CSNK2A1: variants seen among roughly 807,000 people sequenced by gnomAD.
CSNK2A1 encodes casein kinase 2 alpha 1.
In CSNK2A1, 10 loss-of-function variants were observed where a neutral mutation model predicts 62.9. The observed-to-expected ratio is 0.16, with a 90% CI of 0.10 to 0.27. The LOEUF (loss-of-function observed/expected upper bound fraction) is 0.27, where lower values mean the gene tolerates loss of function less well. Among genes scored for constraint, CSNK2A1 ranks in the 10% least tolerant of loss-of-function variants. The probability of loss-of-function intolerance (pLI) is 1.00; values close to 1 mark genes in which losing one functional copy is unlikely to be tolerated. For synonymous variants in CSNK2A1, 124 were observed against 167.8 expected, an observed-to-expected ratio of 0.74 and a Z score of 2.02; for missense variants, 160 against 492.0, an observed-to-expected ratio of 0.33 and a Z score of 6.38.
Position 489,016 on chromosome 20 carries a change from A to T in CSNK2A1, c.724-238T>A, listed in dbSNP as rs959124200. 1.1e-5 allele frequency: 4 copies of T among 359,670 alleles called. No individual in the cohort carries two copies. The Admixed American group carries it at 1.8e-4, about 17-fold the overall frequency. 22.3% of individuals were successfully genotyped at this position (359,670 alleles called of 1,614,324 possible). A position where few individuals can be genotyped will look rare whatever the true frequency, so the allele number is the denominator to read the frequency against. On this transcript the variant is annotated intron_variant, in intron 10 of 13. Coordinates refer to ENST00000217244, the MANE Select transcript of CSNK2A1 (RefSeq NM_177559.3). The stretch of plus-strand genomic sequence containing the variant: ...GAACCCTTATTTTTCTCCCCTCAAA[A>T]CCCAATTGAAGATGTCACTTCTTTT...
Position 483,563 on chromosome 20 carries a change from A to G in CSNK2A1, c.*398T>C, listed in dbSNP as rs890781545. ...GAAGAGCACGAGATACCAACCCCCT[A>G]AAGTGTGGGACGGTGGAGGAACAAT... is the stretch of plus-strand genomic sequence containing the variant. On this transcript the variant is annotated 3_prime_UTR_variant, in exon 14 of 14. Transcript: ENST00000217244. The G allele has an allele frequency of 6.5e-6, 1 of 153,202 alleles. No individual in the cohort carries two copies. The highest frequency in any genetic ancestry group is 2.4e-5 in the African/African-American group (1 of 41,408). The allele number at this position is 153,202 out of a possible 1,614,324, so 9.5% of individuals were successfully genotyped here. A position where few individuals can be genotyped will look rare whatever the true frequency, so the allele number is the denominator to read the frequency against.
rs2018001252 is a variant in CSNK2A1 at position 483,705 on chromosome 20, A to G, written c.*256T>C. 3 of 261,900 alleles carry G rather than the reference A, an allele frequency of 1.1e-5. No homozygotes were observed. Among genetic ancestry groups the G allele is most frequent in the Admixed American group, 1.1e-4 (2 of 18,536 alleles). The allele number at this position is 261,900 out of a possible 1,614,324, so 16.2% of individuals were successfully genotyped here. A position where few individuals can be genotyped will look rare whatever the true frequency, so the allele number is the denominator to read the frequency against. On this transcript the variant is annotated 3_prime_UTR_variant, in exon 14 of 14. Coordinates refer to ENST00000217244, the MANE Select transcript of CSNK2A1 (RefSeq NM_177559.3). ...GGAGGGGAGAAAAAAAAATTTGTCC[A>G]TGAAATATTCCACCTGCAGGTAATT...
chr20:515,638 C>T (rs893598737), intron 2 of CSNK2A1, among the ~76,000 whole-genome samples: 1 of 152,116 alleles, frequency 6.6e-6, no homozygotes, highest in Admixed American at 6.6e-5. Context: ...CACACACACA[C>T]CAGTCTTCAA....
chr20:517,983 C>T lies in CSNK2A1; in HGVS notation c.-109-9323G>A, dbSNP rs73892429. The stretch of plus-strand genomic sequence containing the variant: ...CTCTTTATTTTCTTTTCTCTACTTC[C>T]AACACTAATCAGTTCCTTGTTGCCC... On this transcript the variant is annotated intron_variant, in intron 2 of 13. Transcript: ENST00000217244. Among the ~76,000 whole-genome samples, 1,113 of 152,152 alleles carry T rather than the reference C, an allele frequency of 7.3e-3. 23 individuals carry two copies. Among genetic ancestry groups the T allele is most frequent in the African/African-American group, 0.025 (1,017 of 41,504 alleles).
At chr20:485,778 G>T (rs1234617390) in intron 13 of CSNK2A1, among the ~76,000 whole-genome samples, 2 of 152,212 alleles carry the variant, frequency 1.3e-5, no homozygotes, top group Non-Finnish European at 2.9e-5. Flanking sequence ...TTGAGGATAT[G>T]TAAGTAAATG....
intron 2 of CSNK2A1, among the ~76,000 whole-genome samples, chr20:522,197 T>A (rs1010654658): frequency 6.6e-6 from 1 of 152,186 alleles, no homozygotes; most frequent in African/African-American, 2.4e-5. Context: ...TAAGTAAGCA[T>A]GGAAAGAGAG....
chr20:517,679 C>T (rs895195836), intron 2 of CSNK2A1, among the ~76,000 whole-genome samples: 1 of 152,020 alleles, frequency 6.6e-6, no homozygotes, highest in African/African-American at 2.4e-5. Flanking sequence ...AATTGCAAAG[C>T]GTAACACTTT....
At chr20:493,573 T>C (rs1319434242) in intron 8 of CSNK2A1, among the ~76,000 whole-genome samples, 1 of 152,198 alleles carries the variant, frequency 6.6e-6, no homozygotes, top group Non-Finnish European at 1.5e-5. Flanking sequence ...AGTAACATCT[T>C]ACATAACTAC....
At position 473,571 on chromosome 20, in the gene CSNK2A1, G is replaced by A. The variant is rs2017793253; in HGVS notation, c.*10390C>T. On this transcript the variant is annotated 3_prime_UTR_variant, in exon 14 of 14. Transcript: ENST00000217244. Reference sequence around the variant, plus strand: ...CAGGGAAGGGTCTGGGTGGAGCACTGTGATCCTTTCACAGTAGCTGCCATT... The same window carrying A: ...CAGGGAAGGGTCTGGGTGGAGCACTATGATCCTTTCACAGTAGCTGCCATT... 6.6e-6 allele frequency: 1 copy of A among 152,250 alleles called. No individual in the cohort carries two copies. 9.4% of individuals were successfully genotyped at this position (152,250 alleles called of 1,614,324 possible).
chr20:496,956 A>G (rs1464564517), intron 7 of CSNK2A1, among the ~76,000 whole-genome samples: 1 of 152,248 alleles, frequency 6.6e-6, no homozygotes, highest in Non-Finnish European at 1.5e-5. Context: ...ACCAGAAGCT[A>G]GCACGTCAGG....
chr20:541,459 G>GT (rs1393597333), intron 1 of CSNK2A1, among the ~76,000 whole-genome samples: 1 of 152,096 alleles, frequency 6.6e-6, no homozygotes, highest in African/African-American at 2.4e-5. Context: ...AAGTAAAGAT[G>GT]TATATATTTT....
intron 2 of CSNK2A1, among the ~76,000 whole-genome samples, chr20:509,109 C>G (rs1038882669): frequency 2.0e-5 from 3 of 152,210 alleles, no homozygotes; most frequent in African/African-American, 7.2e-5. Context: ...GCCATTCTGA[C>G]TCATATTTGA....
Position 473,496 on chromosome 20 carries a change from A to G in CSNK2A1, c.*10465T>C, listed in dbSNP as rs1319037690. ...GAGCTTCATCCAAGGGGGTGACAGG[A>G]TTTGGTGTCCTTCCCTCCACAGACT... is the stretch of plus-strand genomic sequence containing the variant. On this transcript the variant is annotated 3_prime_UTR_variant, in exon 14 of 14. Coordinates refer to ENST00000217244, the MANE Select transcript of CSNK2A1 (RefSeq NM_177559.3). 6.6e-6 allele frequency: 1 copy of G among 152,098 alleles called. No individual in the cohort carries two copies. Among genetic ancestry groups the G allele is most frequent in the Non-Finnish European group, 1.5e-5 (1 of 68,088 alleles). 9.4% of individuals were successfully genotyped at this position (152,098 alleles called of 1,614,324 possible). A position where few individuals can be genotyped will look rare whatever the true frequency, so the allele number is the denominator to read the frequency against.
At chr20:524,143 G>A (rs1301121081) in intron 2 of CSNK2A1, among the ~76,000 whole-genome samples, 1 of 151,916 alleles carries the variant, frequency 6.6e-6, no homozygotes, top group African/African-American at 2.4e-5. Context: ...ATACATCTAG[G>A]CCGGGTGCAG....
Position 480,259 on chromosome 20 carries a change from G to GTGTGTGT in CSNK2A1, c.*3701_*3702insACACACA. 1 of 143,374 alleles carries GTGTGTGT rather than the reference G, an allele frequency of 7.0e-6. No homozygotes were observed. The highest frequency in any genetic ancestry group is 2.7e-5 in the African/African-American group (1 of 36,820). 8.9% of individuals were successfully genotyped at this position (143,374 alleles called of 1,614,324 possible). ...TTGTGTGTGTGTGTGTGTGTGTGTG[G>GTGTGTGT]GTGGGTGGGTGTGTGTGTGTAGGGA... On this transcript the variant is annotated 3_prime_UTR_variant, in exon 14 of 14. Coordinates refer to ENST00000217244, the MANE Select transcript of CSNK2A1 (RefSeq NM_177559.3).
intron 9 of CSNK2A1, among the ~76,000 whole-genome samples, chr20:491,596 A>G (rs2018236290): frequency 2.0e-5 from 3 of 152,130 alleles, no homozygotes; most frequent in Admixed American, 1.3e-4. Context: ...ACTTGAGCCC[A>G]GAAGTTCGGG....
chr20:486,404 C>A lies in CSNK2A1; in HGVS notation c.1032G>T (p.Thr344=). The A allele has an allele frequency of 6.2e-7, 1 of 1,613,220 alleles. No homozygotes were observed. The highest frequency in any genetic ancestry group is 8.5e-7 in the Non-Finnish European group (1 of 1,179,712). ...ACATCATATTGGCGCTGCTGACGGGCGTACTGCCCCCTGGCATGCTAGATG... is the reference window on the plus strand; with the variant it reads ...ACATCATATTGGCGCTGCTGACGGGAGTACTGCCCCCTGGCATGCTAGATG... ...MGSSSMPGGS[T]PVSSANMMSG... is the part of the protein sequence containing the mutation. Residue 344 remains threonine, a synonymous_variant, in exon 13 of 14, where the codon ACG becomes ACT. Coordinates refer to ENST00000217244, the MANE Select transcript of CSNK2A1 (RefSeq NM_177559.3).
intron 4 of CSNK2A1, chr20:504,327 GGAAA>G (rs1227502234): frequency 6.6e-6 from 1 of 152,158 alleles, no homozygotes; most frequent in Non-Finnish European, 1.5e-5. Flanking sequence ...GAGAAAGTTT[GGAAA>G]CTTCTACTTT....
intron 13 of CSNK2A1, among the ~76,000 whole-genome samples, chr20:485,403 G>C (rs1464406555): frequency 2.6e-5 from 4 of 151,794 alleles, no homozygotes; most frequent in African/African-American, 4.8e-5. Flanking sequence ...GGCTGGTCTC[G>C]AACTCCTGAC....
Sources: gnomAD v4.1 joint callset for allele counts (sites outside exome capture counted in the v4.1 genomes callset) on GRCh38, gnomAD v4.1.1 for gene constraint, MANE v1.5 for transcripts, NCBI Gene and HGNC (gene_info 2026-07-23, HGNC 2026-07-21) for gene names.